The following SEMA6C variants were observed in gnomAD, a reference collection of about 807,000 sequenced individuals.
SEMA6C encodes semaphorin-6C.
SEMA6C carries 37 observed loss-of-function variants against 72.9 expected under a neutral mutation model. The observed-to-expected ratio is 0.51, with a 90% CI of 0.39 to 0.67. The LOEUF (loss-of-function observed/expected upper bound fraction) is 0.67, where lower values mean the gene tolerates loss of function less well. SEMA6C is among the 30% of genes least tolerant of loss of function. SEMA6C has a pLI of 0.00. For synonymous variants in SEMA6C, 578 were observed against 554.1 expected, an observed-to-expected ratio of 1.04 and a Z score of -0.61; for missense variants, 1,189 against 1,263.6, an observed-to-expected ratio of 0.94 and a Z score of 0.89.
intron 18 of SEMA6C, 94 bp downstream of exon 18, chr1:151,134,307 G>C: frequency 8.2e-7 from 1 of 1,226,466 alleles, no homozygotes. Flanking sequence ...ATACTCCCAG[G>C]GTATTCAGAA....
At chr1:151,142,470 C>T in intron 3 of SEMA6C, 34 bp downstream of exon 3, 1 of 1,612,400 alleles carries the variant, frequency 6.2e-7, no homozygotes. Flanking sequence ...TAATTGTTCA[C>T]AGAGATGGGG....
chr1:151,132,315 A>C lies in SEMA6C; in HGVS notation c.*169T>G. On this transcript the variant is annotated 3_prime_UTR_variant, in exon 19 of 19. Coordinates refer to ENST00000368914, the MANE Select transcript of SEMA6C (RefSeq NM_030913.6). ...CACTCTTCTGTCGAGGACAGGGGGA[A>C]AGACAGTCAATAAATAAACCCGAGG... is the stretch of plus-strand genomic sequence containing the variant. 5.9e-6 allele frequency: 9 copies of C among 1,533,678 alleles called. No homozygotes were observed. The highest frequency in any genetic ancestry group is 6.1e-6 in the Non-Finnish European group (7 of 1,142,258).
Position 151,133,988 on chromosome 1 carries a change from C to T in SEMA6C, c.1759+413G>A, listed in dbSNP as rs1272830792. The T allele has an allele frequency of 1.9e-6, 3 of 1,546,102 alleles. No homozygotes were observed. The highest frequency in any genetic ancestry group is 2.6e-6 in the Non-Finnish European group (3 of 1,145,026). On this transcript the variant is annotated intron_variant, in intron 18 of 18. Transcript: ENST00000368914. The surrounding 1 kb of genome is among the most constrained non-coding windows in gnomAD (Gnocchi z 5.9). ...GAGTGTGAACTCCAAGAGTGGAAGA[C>T]TGGGGCCGGGGGTGGGCATCACTGG...
Position 151,133,994 on chromosome 1 carries a change from C to A in SEMA6C, c.1759+407G>T. The A allele has an allele frequency of 6.5e-7, 1 of 1,544,170 alleles. No homozygotes were observed. Among genetic ancestry groups the A allele is most frequent in the Admixed American group, 2.0e-5 (1 of 49,690 alleles). ...GAACTCCAAGAGTGGAAGACTGGGG[C>A]CGGGGGTGGGCATCACTGGGAGGAC... On this transcript the variant is annotated intron_variant, in intron 18 of 18. Transcript: ENST00000368914. The surrounding 1 kb of genome is among the most constrained non-coding windows in gnomAD (Gnocchi z 5.9).
chr1:151,133,029 C>T lies in SEMA6C; in HGVS notation c.2248G>A (p.Val750Met). ...AAGGPAPRVL[V>M]RPPPPGCPGQ... ...GGACAGCCGGGCGGCGGTGGCCTCA[C>T]CAGCACGCGGGGCGCGGGCCCGCCC... is the stretch of plus-strand genomic sequence containing the variant. The change falls in exon 19 of 19, where the codon GTG becomes ATG. Residue 750 changes from valine to methionine, a missense_variant. Physicochemically the swap from Val to Met is conservative, Grantham distance 21. Coordinates refer to ENST00000368914, the MANE Select transcript of SEMA6C (RefSeq NM_030913.6). The surrounding 1 kb of genome is among the most constrained non-coding windows in gnomAD (Gnocchi z 5.9). 1.4e-6 allele frequency: 2 copies of T among 1,401,244 alleles called. No homozygotes were observed. Among genetic ancestry groups the T allele is most frequent in the Non-Finnish European group, 1.8e-6 (2 of 1,081,186 alleles). The allele number at this position is 1,401,244 out of a possible 1,614,324, so 86.8% of individuals were successfully genotyped here.
chr1:151,141,567 G>C (rs1682554865), intron 3 of SEMA6C, among the ~76,000 whole-genome samples: 1 of 151,896 alleles, frequency 6.6e-6, no homozygotes, highest in Non-Finnish European at 1.5e-5. Flanking sequence ...ACGCCACCAA[G>C]CCTGGCTAAT....
In SEMA6C at chr1:151,135,802, T is replaced by C. The variant is rs774441585; in HGVS notation, c.1260-38A>G. On this transcript the variant is annotated intron_variant, in intron 13 of 18. Coordinates refer to ENST00000368914, the MANE Select transcript of SEMA6C (RefSeq NM_030913.6). ...GCCTCAGGTCAGGGAACCTGTCTAG[T>C]GGAAACCTGAGCATTTCAGGGAGAG... The C allele has an allele frequency of 1.9e-6, 3 of 1,605,566 alleles. No homozygotes were observed. The African/African-American group carries it at 4.0e-5, about 21-fold the overall frequency.
intron 10 of SEMA6C, among the ~76,000 whole-genome samples, chr1:151,137,480 T>C (rs1442989604): frequency 5.5e-5 from 8 of 145,946 alleles, no homozygotes; most frequent in Non-Finnish European, 1.0e-4. Flanking sequence ...AAGGGAGCAA[T>C]GTGAGGGGCA....
In SEMA6C at chr1:151,146,597, C is replaced by G. The variant is rs1471715180; in HGVS notation, c.-269G>C. ...GGGCGCTGTCGGGAGAGCCCTGGGTCCAAGTCCAGCCGCGGATCCGCGGAG... is the reference window on the plus strand; with the variant it reads ...GGGCGCTGTCGGGAGAGCCCTGGGTGCAAGTCCAGCCGCGGATCCGCGGAG... On this transcript the variant is annotated 5_prime_UTR_variant, in exon 1 of 19. Coordinates refer to ENST00000368914, the MANE Select transcript of SEMA6C (RefSeq NM_030913.6). The surrounding 1 kb of genome is among the most constrained non-coding windows in gnomAD (Gnocchi z 4.6). 1 of 152,274 alleles carries G rather than the reference C, an allele frequency of 6.6e-6. No individual in the cohort carries two copies. Among genetic ancestry groups the G allele is most frequent in the African/African-American group, 2.4e-5 (1 of 41,458 alleles). 9.4% of individuals were successfully genotyped at this position (152,274 alleles called of 1,614,324 possible). A position where few individuals can be genotyped will look rare whatever the true frequency, so the allele number is the denominator to read the frequency against.
rs187861382 is a variant in SEMA6C, at chr1:151,138,483, C to T, written c.457-77G>A. On this transcript the variant is annotated intron_variant, in intron 7 of 18. Transcript: ENST00000368914. ...CTCCATAGCCTATTCCCTCCTGTCC[C>T]GTTGCCTCCTCCCCAACCCCTCTGG... The T allele has an allele frequency of 2.0e-5, 30 of 1,474,258 alleles. No homozygotes were observed. In the Admixed American group the frequency reaches 3.5e-4, roughly 17 times the overall value. The allele number at this position is 1,474,258 out of a possible 1,614,324, so 91.3% of individuals were successfully genotyped here.
At chr1:151,141,534 C>G (rs938463257) in intron 3 of SEMA6C, among the ~76,000 whole-genome samples, 2 of 151,906 alleles carry the variant, frequency 1.3e-5, no homozygotes, top group Non-Finnish European at 2.9e-5. Context: ...CTCAGCCACC[C>G]AAGTAGCTGG....
chr1:151,132,174 C>G lies in SEMA6C; in HGVS notation c.*310G>C. 7.0e-7 allele frequency: 1 copy of G among 1,424,548 alleles called. No homozygotes were observed. The highest frequency in any genetic ancestry group is 9.3e-7 in the Non-Finnish European group (1 of 1,077,898). 88.2% of individuals were successfully genotyped at this position (1,424,548 alleles called of 1,614,324 possible). A position where few individuals can be genotyped will look rare whatever the true frequency, so the allele number is the denominator to read the frequency against. ...GCGCGGCCCGCCCGGGGCACAGTCT[C>G]TGGGGGAGCCCCGAGGGGCGAGTTA... On this transcript the variant is annotated 3_prime_UTR_variant, in exon 19 of 19. Transcript: ENST00000368914.
rs41267548 is a variant in SEMA6C, at chr1:151,132,022, G to A, written c.*462C>T. On this transcript the variant is annotated 3_prime_UTR_variant, in exon 19 of 19. Coordinates refer to ENST00000368914, the MANE Select transcript of SEMA6C (RefSeq NM_030913.6). ...GCCCAGAGCGAGCCGACCGACTGCC[G>A]CCCTCCCCCGCCCGAGTGAAGTCAG... The A allele has an allele frequency of 4.5e-3, 1,602 of 357,452 alleles. 7 individuals are homozygous for A. Among genetic ancestry groups the A allele is most frequent in the Middle Eastern group, 8.6e-3 (8 of 934 alleles). The allele number at this position is 357,452 out of a possible 1,614,324, so 22.1% of individuals were successfully genotyped here.
At position 151,134,973 on chromosome 1, in the gene SEMA6C, G is replaced by T. The variant is rs114290356; in HGVS notation, c.1581-98C>A. On this transcript the variant is annotated intron_variant, in intron 15 of 18. Transcript: ENST00000368914. Reference sequence around the variant, plus strand: ...CACCCTGGCTTACAGGAGGCTCCCAGCCTCATTCTCTCCTGTCCACCTCAG... The same window carrying T: ...CACCCTGGCTTACAGGAGGCTCCCATCCTCATTCTCTCCTGTCCACCTCAG... 8.4e-4 allele frequency: 1,146 copies of T among 1,369,626 alleles called. 11 individuals are homozygous for T. In the African/African-American group the frequency reaches 0.014, roughly 17 times the overall value. The allele number at this position is 1,369,626 out of a possible 1,614,324, so 84.8% of individuals were successfully genotyped here.
At position 151,132,957 on chromosome 1, in the gene SEMA6C, G is replaced by C. The variant is rs2101606293; in HGVS notation, c.2320C>G (p.Leu774Val). The C allele has an allele frequency of 4.2e-6, 6 of 1,412,972 alleles. No individual in the cohort carries two copies. The South Asian group carries it at 5.1e-5, about 12-fold the overall frequency. The allele number at this position is 1,412,972 out of a possible 1,614,324, so 87.5% of individuals were successfully genotyped here. The change falls in exon 19 of 19, where the codon CTG (leucine) becomes GTG (valine). Residue 774 changes from leucine to valine, a missense_variant. Physicochemically the swap from Leu to Val is conservative, Grantham distance 32 (BLOSUM62 1). Around this residue, in one of 2 missense-constraint regions of SEMA6C, gnomAD observed 721 missense variants for 686.2 expected, o/e 1.05. Coordinates refer to ENST00000368914, the MANE Select transcript of SEMA6C (RefSeq NM_030913.6). ...TTTCTGGGCGGCTGCGGGCCGTGCA[G>C]GTAGCGCAGCAGTTCCTCCAGGGTG... Reference protein sequence around the residue: ...VTTLEELLRYLHGPQPPRKGA... With the variant: ...VTTLEELLRYVHGPQPPRKGA...
chr1:151,138,495 C>A, intron 7 of SEMA6C, 89 bp from the exon 8 acceptor site: 3 of 1,438,154 alleles, frequency 2.1e-6, no homozygotes, highest in Non-Finnish European at 2.9e-6. Context: ...TTGCCTCCTC[C>A]CCAACCCCTC....
Position 151,136,914 on chromosome 1 carries a change from G to A in SEMA6C, c.917C>T (p.Pro306Leu). The A allele has an allele frequency of 1.9e-6, 3 of 1,614,118 alleles. No individual in the cohort carries two copies. The highest frequency in any genetic ancestry group is 2.5e-6 in the Non-Finnish European group (3 of 1,180,024). The change falls in exon 11 of 19, where the codon CCT becomes CTT. Residue 306 changes from proline to leucine, a missense_variant. This residue lies in a region of SEMA6C where 468 missense variants were observed against 577.4 expected (regional missense o/e 0.81). Coordinates refer to ENST00000368914, the MANE Select transcript of SEMA6C (RefSeq NM_030913.6). ...YFDVLQALTG[P>L]VNLHGRSALF... ...AGCAGAGCGGCCATGCAGGTTCACAGGCCCAGTCAAGGCCTGTAAAACATC... is the reference window on the plus strand; with the variant it reads ...AGCAGAGCGGCCATGCAGGTTCACAAGCCCAGTCAAGGCCTGTAAAACATC...
chr1:151,137,721 C>T lies in SEMA6C; in HGVS notation c.746G>A (p.Arg249Gln), dbSNP rs769914081. 6.2e-6 allele frequency: 10 copies of T among 1,612,472 alleles called. No homozygotes were observed. The African/African-American group carries it at 6.7e-5, about 11-fold the overall frequency. ...FFREVSVEDA[R>Q]LGRVQFSRVA... ...TGCCCACCTCCTTACCCTCCCCAGC[C>T]GAGCATCCTCCACAGAGACCTCGCG... Residue 249 changes from arginine to glutamine, a missense_variant, in exon 10 of 19, where the codon CGG becomes CAG. Transcript: ENST00000368914.
At chr1:151,141,981 TAGTGAGCAGCTTGGCAGGG>T in intron 3 of SEMA6C, among the ~76,000 whole-genome samples, 1 of 151,836 alleles carries the variant, frequency 6.6e-6, no homozygotes, top group Admixed American at 6.6e-5. Flanking sequence ...GTCACACAGC[TAGTGAGCAGCTTGGCAGGG>T]ATTCAAACCT....
Sources: gnomAD v4.1 joint callset for allele counts (sites outside exome capture counted in the v4.1 genomes callset) on GRCh38, gnomAD v4.1.1 for gene constraint, gnomAD v4.1.1 regional missense constraint, Gnocchi (gnomAD v3.1) non-coding constraint, MANE v1.5 for transcripts, NCBI Gene and HGNC (gene_info 2026-07-23, HGNC 2026-07-21) for gene names.